Variants in SIPA1L1 observed in about 807,000 individuals in gnomAD.
SIPA1L1 encodes the protein signal induced proliferation associated 1 like 1.
SIPA1L1 carries 26 observed loss-of-function variants against 162.7 expected under a neutral mutation model. The observed-to-expected ratio is 0.16, with a 90% CI of 0.12 to 0.22. The LOEUF is 0.22. Ranked by LOEUF, SIPA1L1 falls within the 10% of genes least tolerant of loss-of-function variation. The pLI, the probability that SIPA1L1 is intolerant of heterozygous loss-of-function variation, is 1.00. For missense variants in SIPA1L1, 1,874 were observed against 2,241.0 expected, an observed-to-expected ratio of 0.84 and a Z score of 3.31; for synonymous variants, 829 against 837.4, an observed-to-expected ratio of 0.99 and a Z score of 0.17.
rs796964639 is a variant in SIPA1L1 at position 71,399,997 on chromosome 14, AT to A, written c.-465+78826del. Among the ~76,000 whole-genome samples, 23 of 148,002 alleles carry A rather than the reference AT, an allele frequency of 1.6e-4. No individual in the cohort carries two copies. The East Asian group carries it at 2.8e-3, about 18-fold the overall frequency. On this transcript the variant is annotated intron_variant, in intron 2 of 23. Coordinates refer to ENST00000381232, the MANE Select transcript of SIPA1L1 (RefSeq NM_001386936.1). ...CGGCCTCACAAAATGTATTTTTTGT[AT>A]TTTTTTTTTAGAGTTGGGATTTCAC... is the stretch of plus-strand genomic sequence containing the variant.
chr14:71,493,517 C>T (rs1411566396), intron 2 of SIPA1L1, among the ~76,000 whole-genome samples: 1 of 152,154 alleles, frequency 6.6e-6, no homozygotes, highest in Non-Finnish European at 1.5e-5. Context: ...AATTGATTAA[C>T]CAGAGTGACT....
At chr14:71,360,467 C>T (rs2037703676) in intron 2 of SIPA1L1, among the ~76,000 whole-genome samples, 1 of 152,164 alleles carries the variant, frequency 6.6e-6, no homozygotes, top group Non-Finnish European at 1.5e-5. Context: ...GAATTTTTGT[C>T]ACAGATTTTC....
chr14:71,735,155 T>C (rs943408295), intron 21 of SIPA1L1, 122 bp from the exon 22 acceptor site: 4 of 678,626 alleles, frequency 5.9e-6, no homozygotes, highest in Non-Finnish European at 1.1e-5. Flanking sequence ...AAATAAGATT[T>C]CCAGTGCATC....
intron 2 of SIPA1L1, among the ~76,000 whole-genome samples, chr14:71,387,248 CAAAAAAAAAAAAAAAAAAA>C (rs398025583): frequency 1.9e-5 from 1 of 53,882 alleles, no homozygotes; most frequent in Non-Finnish European, 3.0e-5. Context: ...AACTCTGTCT[CAAAAAAAAAAAAAAAAAAA>C]AAAAAAAAAG....
At chr14:71,706,158 A>G (rs990153846) in intron 16 of SIPA1L1, among the ~76,000 whole-genome samples, 4 of 152,208 alleles carry the variant, frequency 2.6e-5, no homozygotes, top group African/African-American at 9.6e-5. Context: ...AAAAAAAACA[A>G]GCAAGAGTTA....
intron 2 of SIPA1L1, among the ~76,000 whole-genome samples, chr14:71,360,008 A>T (rs2037648893): frequency 6.6e-6 from 1 of 152,162 alleles, no homozygotes; most frequent in South Asian, 2.1e-4. Flanking sequence ...TACTGTGGTG[A>T]TGGAGGATGG....
chr14:71,568,734 A>G (rs2031303903), intron 4 of SIPA1L1, among the ~76,000 whole-genome samples: 1 of 152,232 alleles, frequency 6.6e-6, no homozygotes, highest in Non-Finnish European at 1.5e-5. Flanking sequence ...AGAAAGTTGC[A>G]AAAGGATACA....
chr14:71,711,188 T>C (rs780508083), intron 17 of SIPA1L1, among the ~76,000 whole-genome samples: 16 of 152,248 alleles, frequency 1.1e-4, no homozygotes, highest in Non-Finnish European at 2.2e-4. Context: ...AGTCTCAGTA[T>C]TCTTGAGTAC....
chr14:71,507,283 AT>A (rs900306301), intron 2 of SIPA1L1, among the ~76,000 whole-genome samples: 25 of 151,416 alleles, frequency 1.7e-4, no homozygotes, highest in African/African-American at 3.6e-4. Flanking sequence ...TTTGTGCCTA[AT>A]TTTTTTTTCC....
intron 2 of SIPA1L1, among the ~76,000 whole-genome samples, chr14:71,397,552 T>C (rs1430312019): frequency 1.3e-5 from 2 of 152,188 alleles, no homozygotes; most frequent in Non-Finnish European, 2.9e-5. Context: ...CAGGCACATA[T>C]GGTTTTGATT....
At chr14:71,445,114 C>G (rs933984770) in intron 2 of SIPA1L1, among the ~76,000 whole-genome samples, 2 of 152,194 alleles carry the variant, frequency 1.3e-5, no homozygotes, top group Admixed American at 1.3e-4. Context: ...TAGTGGAAGA[C>G]AACATGCAAT....
At chr14:71,577,292 T>A (rs766026620) in intron 4 of SIPA1L1, among the ~76,000 whole-genome samples, 2 of 152,092 alleles carry the variant, frequency 1.3e-5, no homozygotes, top group Non-Finnish European at 2.9e-5. Flanking sequence ...CCTTTTTTCT[T>A]TTATATTTTC....
chr14:71,729,607 A>C (rs900859994), intron 19 of SIPA1L1, among the ~76,000 whole-genome samples: 2 of 152,136 alleles, frequency 1.3e-5, no homozygotes, highest in African/African-American at 2.4e-5. Context: ...CATGCCACTG[A>C]CACCTGCCAT....
At chr14:71,423,386 A>AATT (rs1394871891) in intron 2 of SIPA1L1, among the ~76,000 whole-genome samples, 4 of 152,184 alleles carry the variant, frequency 2.6e-5, no homozygotes, top group Non-Finnish European at 5.9e-5. Context: ...TGTCATATCT[A>AATT]AGAAAACATT....
chr14:71,617,053 G>A (rs1411316252), intron 5 of SIPA1L1, among the ~76,000 whole-genome samples: 2 of 152,120 alleles, frequency 1.3e-5, no homozygotes, highest in African/African-American at 4.8e-5. Flanking sequence ...GTGCTGCAGC[G>A]GTACAATATC....
intron 13 of SIPA1L1, among the ~76,000 whole-genome samples, chr14:71,690,050 C>T (rs188238800): frequency 4.3e-4 from 66 of 152,188 alleles, no homozygotes; most frequent in African/African-American, 1.4e-3. Flanking sequence ...AAACAAGCAC[C>T]ATTTAATGTT....
rs58529740 is a variant in SIPA1L1, at chr14:71,609,375, C to T, written c.1499-9382C>T. 3.9e-3 allele frequency among the ~76,000 whole-genome samples: 590 copies of T among 151,802 alleles called. 5 individuals carry two copies. Among genetic ancestry groups the T allele is most frequent in the African/African-American group, 0.014 (569 of 41,364 alleles). ...CCTTGATCTCCTGGGTTCAAGTGCT[C>T]ATCACACCTCATCCTCCCAAATGAC... On this transcript the variant is annotated intron_variant, in intron 5 of 23. Transcript: ENST00000381232.
At chr14:71,394,821 A>G (rs1268762767) in intron 2 of SIPA1L1, among the ~76,000 whole-genome samples, 1 of 152,262 alleles carries the variant, frequency 6.6e-6, no homozygotes, top group Non-Finnish European at 1.5e-5. Context: ...ATGGATAAGC[A>G]GTAAGGAGAA....
intron 10 of SIPA1L1, among the ~76,000 whole-genome samples, chr14:71,664,809 C>T (rs1267606545): frequency 3.3e-5 from 5 of 151,964 alleles, no homozygotes; most frequent in East Asian, 1.9e-4. Flanking sequence ...GAGTGTCTTG[C>T]AGTAATAGTG....
Sources: allele counts gnomAD v4.1 joint callset (sites outside exome capture counted in the v4.1 genomes callset), GRCh38; gene constraint gnomAD v4.1.1; transcripts MANE v1.5; gene names NCBI Gene and HGNC (gene_info 2026-07-23, HGNC 2026-07-21).